The following WDR19 variants were observed in gnomAD, a reference collection of about 807,000 sequenced individuals.
WDR19 encodes the protein WD repeat domain 19, also known as WD repeat-containing protein 19.
Under a neutral mutation model 180.0 loss-of-function variants are expected in WDR19, and 121 were observed. That is an observed-to-expected ratio of 0.67 (90% CI 0.58 to 0.78). The LOEUF (loss-of-function observed/expected upper bound fraction) is 0.78, where lower values mean the gene tolerates loss of function less well. Ranked by LOEUF, WDR19 falls within the 30% of genes least tolerant of loss-of-function variation. The pLI is 0.00. For missense variants in WDR19, 1,450 were observed against 1,640.7 expected (o/e 0.88, Z 2.01); for synonymous variants, 497 against 540.7 (o/e 0.92, Z 1.12).
chr4:39,218,711 T>C (rs11930865), intron 14 of WDR19: 52,237 of 152,112 alleles, frequency 0.34, 9,390 homozygotes, highest in African/African-American at 0.44. Context: ...AAATTAACCT[T>C]AGCTCACTGT....
intron 14 of WDR19, among the ~76,000 whole-genome samples, chr4:39,222,288 T>G (rs1729781557): frequency 6.6e-6 from 1 of 152,154 alleles, no homozygotes; most frequent in Non-Finnish European, 1.5e-5. Context: ...TTTATGAGAG[T>G]TCTTTATATA....
chr4:39,257,574 AACTTTCAATAAT>A lies in WDR19; in HGVS notation c.3183+21_3183+32del. 6.4e-7 allele frequency: 1 copy of A among 1,553,568 alleles called. No individual in the cohort carries two copies. The highest frequency in any genetic ancestry group is 8.7e-7 in the Non-Finnish European group (1 of 1,149,384). On this transcript the variant is annotated intron_variant, in intron 28 of 36. Transcript: ENST00000399820. ...GAAACTGTAAGTACGCTTTCAATGA[AACTTTCAATAAT>A]GCCAATTTTTTAAAAAACTTCTTGA...
intron 9 of WDR19, among the ~76,000 whole-genome samples, chr4:39,207,813 C>T (rs577318884): frequency 7.6e-4 from 115 of 151,996 alleles, no homozygotes; most frequent in African/African-American, 2.7e-3. Flanking sequence ...GGAAGAGCAA[C>T]AGAAATGGTA....
At chr4:39,257,379 T>C (rs1398840787) in intron 27 of WDR19, 107 bp from the exon 28 acceptor site, 9 of 1,035,090 alleles carry the variant, frequency 8.7e-6, no homozygotes, top group South Asian at 1.5e-5. Context: ...GAGATGAAGA[T>C]ACTTTCACAG....
chr4:39,243,429 G>A (rs1213225244), intron 21 of WDR19, among the ~76,000 whole-genome samples: 1 of 151,952 alleles, frequency 6.6e-6, no homozygotes, highest in Non-Finnish European at 1.5e-5. Context: ...TTTATTTATT[G>A]GCCAATTGTA....
At position 39,255,921 on chromosome 4, in the gene WDR19, G is replaced by A. The variant is rs765155350; in HGVS notation, c.3075G>A (p.Gln1025=). ...TTGAAGGAGAAAAGAGATATCTTCA[G>A]GCTGGAAAATTCTTCTTGCTGTGTG... is the stretch of plus-strand genomic sequence containing the variant. The part of the protein sequence containing the change: ...LYFEGEKRYL[Q]AGKFFLLCGQ... The change falls in exon 27 of 37, where the codon CAG becomes CAA. Residue 1025 remains glutamine, a synonymous_variant. Coordinates refer to ENST00000399820, the MANE Select transcript of WDR19 (RefSeq NM_025132.4). 3.7e-6 allele frequency: 6 copies of A among 1,608,048 alleles called. No homozygotes were observed. In the South Asian group the frequency reaches 6.7e-5, roughly 18 times the overall value.
intron 20 of WDR19, among the ~76,000 whole-genome samples, chr4:39,238,838 A>G (rs890324165): frequency 6.6e-6 from 1 of 152,230 alleles, no homozygotes; most frequent in Non-Finnish European, 1.5e-5. Flanking sequence ...ATGGTTTCTT[A>G]GAGGAAGATA....
rs745976180 is a variant in WDR19 at position 39,205,755 on chromosome 4, T to C, written c.890+19T>C. On this transcript the variant is annotated intron_variant, in intron 9 of 36. Transcript: ENST00000399820. Reference sequence around the variant, plus strand: ...ATAACTGGTAAGTTATTTTCACATATTTTTAGGAAAGCTTATATAGTAAAT... The same window carrying C: ...ATAACTGGTAAGTTATTTTCACATACTTTTAGGAAAGCTTATATAGTAAAT... 1 of 1,567,628 alleles carries C rather than the reference T, an allele frequency of 6.4e-7. No homozygotes were observed.
rs201320006 is a variant in WDR19, at chr4:39,228,547, A to G, written c.1839A>G (p.Leu613=). 1.3e-4 allele frequency: 205 copies of G among 1,613,940 alleles called. No homozygotes were observed. Among genetic ancestry groups the G allele is most frequent in the Admixed American group, 4.2e-4 (25 of 60,026 alleles). ...CTTTTGCTCATAAACCTTTGCTGCT[A>G]TATAATGGAGAGCTGACCTGCCAAA... ...KVPFAHKPLL[L]YNGELTCQTQ... The change falls in exon 17 of 37, where the codon CTA becomes CTG. Residue 613 remains leucine (L), a synonymous_variant. Coordinates refer to ENST00000399820, the MANE Select transcript of WDR19 (RefSeq NM_025132.4).
At chr4:39,285,226 G>A (rs919552190) in intron 36 of WDR19, among the ~76,000 whole-genome samples, 5 of 124,446 alleles carry the variant, frequency 4.0e-5, no homozygotes, top group African/African-American at 1.9e-4. Context: ...GTTCTTCCCA[G>A]TGAGATGGCT....
At chr4:39,233,950 G>A (rs1446565988) in intron 19 of WDR19, among the ~76,000 whole-genome samples, 1 of 152,172 alleles carries the variant, frequency 6.6e-6, no homozygotes, top group East Asian at 1.9e-4. Context: ...AAGCTGATGA[G>A]TTAACCAGGT....
intron 5 of WDR19, among the ~76,000 whole-genome samples, chr4:39,198,594 G>A (rs939473044): frequency 3.9e-5 from 6 of 152,138 alleles, no homozygotes; most frequent in African/African-American, 1.2e-4. Flanking sequence ...AGCCAGGCAC[G>A]GTGACTCGCG....
Position 39,273,029 on chromosome 4 carries a change from G to A in WDR19, c.3533G>A (p.Arg1178Gln), listed in dbSNP as rs79436363. ...DHMKGARMLIRVANNISKFPS... is the reference protein window; with the variant it reads ...DHMKGARMLIQVANNISKFPS... ...ATGAAAGGGGCTCGCATGCTCATTC[G>A]GGTGGCCAACAACATCAGCAAATTT... The change falls in exon 32 of 37, where the codon CGG becomes CAG. Residue 1178 changes from arginine to glutamine, a missense_variant. Coordinates refer to ENST00000399820, the MANE Select transcript of WDR19 (RefSeq NM_025132.4). The A allele has an allele frequency of 5.3e-5, 85 of 1,605,326 alleles. No homozygotes were observed. In the African/African-American group the frequency reaches 6.4e-4, roughly 12 times the overall value.
intron 31 of WDR19, among the ~76,000 whole-genome samples, chr4:39,271,056 G>A (rs938007164): frequency 5.9e-5 from 9 of 151,438 alleles, no homozygotes; most frequent in African/African-American, 1.5e-4. Flanking sequence ...CACCACACCC[G>A]GCTAATTTTT....
intron 31 of WDR19, 99 bp from the exon 32 acceptor site, chr4:39,272,881 C>T: frequency 4.1e-6 from 4 of 979,098 alleles, no homozygotes; most frequent in Non-Finnish European, 6.0e-6. Context: ...CCACAGTGAC[C>T]CTGGGCCATC....
chr4:39,201,109 A>G (rs1348366095), intron 6 of WDR19, among the ~76,000 whole-genome samples: 1 of 152,064 alleles, frequency 6.6e-6, no homozygotes, highest in East Asian at 1.9e-4. Flanking sequence ...TTCTCATGTA[A>G]CAGAGAGACA....
Position 39,186,527 on chromosome 4 carries a change from G to C in WDR19, c.99-12G>C, listed in dbSNP as rs556356193. The C allele has an allele frequency of 2.0e-5, 21 of 1,026,316 alleles. No individual in the cohort carries two copies. The highest frequency in any genetic ancestry group is 2.4e-4 in the Middle Eastern group (1 of 4,184). 63.6% of individuals were successfully genotyped at this position (1,026,316 alleles called of 1,614,324 possible). On this transcript the variant is annotated splice_polypyrimidine_tract_variant and intron_variant, in intron 2 of 36. Transcript: ENST00000399820. ...AAAGTAAATCATATCTTTATGTTCTGATTGCTTTCAGAGCTGATTATATTG... is the reference window on the plus strand; with the variant it reads ...AAAGTAAATCATATCTTTATGTTCTCATTGCTTTCAGAGCTGATTATATTG...
At chr4:39,223,547 G>A (rs923879994) in intron 14 of WDR19, among the ~76,000 whole-genome samples, 2 of 151,834 alleles carry the variant, frequency 1.3e-5, no homozygotes, top group Non-Finnish European at 2.9e-5. Flanking sequence ...TAGTAGAGAT[G>A]GGGTCAGGCT....
intron 3 of WDR19, among the ~76,000 whole-genome samples, chr4:39,188,690 A>G (rs970897708): frequency 4.0e-5 from 6 of 151,574 alleles, no homozygotes; most frequent in South Asian, 2.1e-4. Flanking sequence ...TTAGAATTCT[A>G]TCTTTCCCTT....
Sources: allele counts gnomAD v4.1 joint callset (sites outside exome capture counted in the v4.1 genomes callset), GRCh38; gene constraint gnomAD v4.1.1; transcripts MANE v1.5; gene names NCBI Gene and HGNC (gene_info 2026-07-23, HGNC 2026-07-21).